OASL: variants seen among roughly 807,000 people sequenced by gnomAD.
OASL encodes 2'-5'-oligoadenylate synthase-like protein.
In OASL, 28 loss-of-function variants were observed where a neutral mutation model predicts 35.3. The observed-to-expected ratio is 0.79, with a 90% confidence interval of 0.59 to 1.09. The LOEUF is 1.09. Among genes scored for constraint, OASL ranks in the 50% least tolerant of loss-of-function variants. The pLI is 0.00. For missense variants in OASL, 620 were observed against 635.2 expected (o/e 0.98, Z 0.26); for synonymous variants, 252 against 254.6 (o/e 0.99, Z 0.10).
In OASL at chr12:121,032,621, C is replaced by T. The variant is rs192596129; in HGVS notation, c.481+840G>A. Among the ~76,000 whole-genome samples, 203 of 152,292 alleles carry T rather than the reference C, an allele frequency of 1.3e-3. 1 individual carries two copies. The highest frequency in any genetic ancestry group is 1.0e-3 in the Non-Finnish European group (68 of 68,020). On this transcript the variant is annotated intron_variant, in intron 2 of 5. Coordinates refer to ENST00000257570, the Ensembl canonical transcript of OASL. Reference sequence around the variant, plus strand: ...GGGTGGTGACTTGCCCATGGACGCACGTTGTATTGAATTCTTGCCTTTCCC... The same window carrying T: ...GGGTGGTGACTTGCCCATGGACGCATGTTGTATTGAATTCTTGCCTTTCCC...
At chr12:121,030,060 A>G (rs1235680363) in intron 3 of OASL, among the ~76,000 whole-genome samples, 1 of 151,978 alleles carries the variant, frequency 6.6e-6, no homozygotes, top group East Asian at 1.9e-4. Flanking sequence ...TTTTTTGTAG[A>G]GACGGGGTTT....
chr12:121,029,566 T>C (rs571296264), intron 3 of OASL, among the ~76,000 whole-genome samples: 1 of 152,090 alleles, frequency 6.6e-6, no homozygotes, highest in South Asian at 2.1e-4. Flanking sequence ...CGGGCACCTG[T>C]AGTCCCAGCT....
At chr12:121,036,207 G>C (rs117019392) in intron 1 of OASL, among the ~76,000 whole-genome samples, 2 of 152,290 alleles carry the variant, frequency 1.3e-5, no homozygotes, top group Admixed American at 6.5e-5. Context: ...TCCAGGCAGA[G>C]AGAAAAGAAC....
intron 4 of OASL, among the ~76,000 whole-genome samples, chr12:121,027,261 C>G (rs1422370747): frequency 6.6e-6 from 1 of 151,826 alleles, no homozygotes; most frequent in Non-Finnish European, 1.5e-5. Flanking sequence ...ACTTGAGTCT[C>G]CAAGATTCTT....
At chr12:121,018,510 C>A (rs370472875), downstream of OASL, among the ~76,000 whole-genome samples, 1 of 151,874 alleles carries the variant, frequency 6.6e-6, no homozygotes, top group African/African-American at 2.4e-5. Context: ...TCAGGCCCCA[C>A]GGAGAATCTT....
chr12:121,020,913 T>C (rs756775711), exon 6 of OASL: 3 of 1,614,218 alleles, frequency 1.9e-6, no homozygotes, highest in Middle Eastern at 1.7e-4. Flanking sequence ...GCCAGGAACC[T>C]GGAAGGACAG....
chr12:121,038,829 T>C (rs532280762), exon 1 of OASL: 5 of 1,614,114 alleles, frequency 3.1e-6, no homozygotes, highest in Admixed American at 1.7e-5. Flanking sequence ...CCCCTGGAAA[T>C]GCTCCTGCCT....
At chr12:121,020,862 T>G in exon 6 of OASL, 1 of 1,614,184 alleles carries the variant, frequency 6.2e-7, no homozygotes, top group Non-Finnish European at 8.5e-7. Context: ...GATCCCATAT[T>G]TGGCTAAGGA....
At chr12:121,027,442 T>G in intron 4 of OASL, 134 bp downstream of exon 4, 1 of 1,319,858 alleles carries the variant, frequency 7.6e-7, no homozygotes, top group African/African-American at 1.5e-5. Flanking sequence ...TGTGTTGGTG[T>G]GGGAGGTCGA....
chr12:121,027,546 A>G, intron 4 of OASL, 30 bp downstream of exon 4: 2 of 1,609,560 alleles, frequency 1.2e-6, no homozygotes, highest in Non-Finnish European at 1.7e-6. Flanking sequence ...TTTTTCTGTA[A>G]GATTTGGTGG....
Position 121,030,361 on chromosome 12 carries a change from C to T in OASL, c.657+1081G>A, listed in dbSNP as rs1031569778. Among the ~76,000 whole-genome samples the T allele has an allele frequency of 3.9e-5, 6 of 152,064 alleles. No homozygotes were observed. The East Asian group carries it at 7.7e-4, about 20-fold the overall frequency. ...CTGGGACTACAGGCGCCCGCCACCA[C>T]GCCTGGCTATTTTTTTGTATTTTTA... On this transcript the variant is annotated intron_variant, in intron 3 of 5. Transcript: ENST00000257570.
chr12:121,030,066 G>A (rs1212265606), intron 3 of OASL, among the ~76,000 whole-genome samples: 1 of 151,884 alleles, frequency 6.6e-6, no homozygotes, highest in Non-Finnish European at 1.5e-5. Context: ...GTAGAGACGG[G>A]GTTTCACTAT....
chr12:121,039,014 G>T lies in OASL; in HGVS notation c.-43C>A, dbSNP rs189679788. 3 of 1,556,062 alleles carry T rather than the reference G, an allele frequency of 1.9e-6. No homozygotes were observed. In the Admixed American group the frequency reaches 5.0e-5, roughly 26 times the overall value. On this transcript the variant is annotated 5_prime_UTR_variant, in exon 1 of 6. Coordinates refer to ENST00000257570, the Ensembl canonical transcript of OASL. The stretch of plus-strand genomic sequence containing the variant: ...CGCTGCTGGGCAGATATATAGCCAG[G>T]CTCCTACCCAGCTCCCTGGCACACA...
chr12:121,031,369 G>A (rs546247497), intron 3 of OASL, 73 bp downstream of exon 3: 17 of 1,484,618 alleles, frequency 1.1e-5, no homozygotes, highest in Non-Finnish European at 1.5e-5. Flanking sequence ...TTCCTGAGAT[G>A]AAAATCAGGC....
exon 3 of OASL, chr12:121,031,523 G>A (rs758817780): frequency 6.2e-6 from 10 of 1,614,078 alleles, no homozygotes; most frequent in Admixed American, 5.0e-5. Flanking sequence ...TCTGCAGCTC[G>A]CTGAAGGATG....
rs746018272 is a variant in OASL, at chr12:121,031,554, C to T, written c.545G>A (p.Gly182Asp). The T allele has an allele frequency of 7.4e-6, 12 of 1,614,116 alleles. No homozygotes were observed. The highest frequency in any genetic ancestry group is 1.0e-5 in the Non-Finnish European group (12 of 1,180,024). ...GGATGGGCAGAAATTTCCAGGACCA[C>T]CGCAGGCCTTGATCAGGCTCACATA... The change falls in exon 3 of 6, where the codon GGT (glycine) becomes GAT (aspartate). Residue 182 changes from glycine to aspartate, a missense_variant. By Grantham distance (94) the Gly-to-Asp change is moderately conservative (BLOSUM62 -1). Transcript: ENST00000257570.
exon 6 of OASL, chr12:121,020,478 C>G (rs1869182245): frequency 2.1e-6 from 3 of 1,404,390 alleles, no homozygotes; most frequent in African/African-American, 2.9e-5. Context: ...GGGACCTTCC[C>G]AGTAGACAAT....
intron 3 of OASL, 105 bp from the exon 4 acceptor site, chr12:121,027,922 C>T (rs989660455): frequency 4.3e-6 from 4 of 926,810 alleles, no homozygotes; most frequent in Non-Finnish European, 6.7e-6. Flanking sequence ...CCTGGCTCTG[C>T]TGCCTACTGG....
rs193038292 is a variant in OASL at position 121,027,513 on chromosome 12, C to T, written c.899+63G>A. Reference sequence around the variant, plus strand: ...AGCCAATCCATAAAACTCTATGCCACGTTACACTAGCCCGTCTCTCTTTTT... The same window carrying T: ...AGCCAATCCATAAAACTCTATGCCATGTTACACTAGCCCGTCTCTCTTTTT... On this transcript the variant is annotated intron_variant, in intron 4 of 5. Transcript: ENST00000257570. 899 of 1,602,034 alleles carry T rather than the reference C, an allele frequency of 5.6e-4. 3 individuals are homozygous for T. Among genetic ancestry groups the T allele is most frequent in the East Asian group, 8.5e-4 (38 of 44,732 alleles).
Sources: gnomAD v4.1 joint callset for allele counts (sites outside exome capture counted in the v4.1 genomes callset) on GRCh38, gnomAD v4.1.1 for gene constraint, MANE v1.5 for transcripts, NCBI Gene and HGNC (gene_info 2026-07-23, HGNC 2026-07-21) for gene names.